OSBPL10: variants seen among roughly 807,000 people sequenced by gnomAD.
The protein encoded by OSBPL10 is oxysterol binding protein like 10.
OSBPL10 carries 49 observed loss-of-function variants against 81.7 expected under a neutral mutation model. The ratio of observed to expected loss-of-function variants is 0.60; its 90% confidence interval spans 0.48 to 0.76. The LOEUF is 0.76. Ranked by LOEUF, OSBPL10 falls within the 30% of genes least tolerant of loss-of-function variation. The pLI, the probability that OSBPL10 is intolerant of heterozygous loss-of-function variation, is 0.00. For synonymous variants in OSBPL10, 419 were observed against 383.6 expected, an observed-to-expected ratio of 1.09 and a Z score of -1.08; for missense variants, 923 against 987.8, an observed-to-expected ratio of 0.93 and a Z score of 0.88.
intron 3 of OSBPL10, among the ~76,000 whole-genome samples, chr3:31,875,082 T>TAAAAAAAAAA (rs555527834): frequency 9.7e-6 from 1 of 103,060 alleles, no homozygotes; most frequent in Non-Finnish European, 2.0e-5. Context: ...ATATATTAAG[T>TAAAAAAAAAA]AAAAAAAAAA....
At chr3:31,824,547 TAC>T (rs1700056459) in intron 4 of OSBPL10, among the ~76,000 whole-genome samples, 1 of 152,162 alleles carries the variant, frequency 6.6e-6, no homozygotes, top group African/African-American at 2.4e-5. Context: ...GTTTGATATG[TAC>T]AGTTTGATAT....
At chr3:32,051,912 C>A (rs916287522) in intron 1 of OSBPL10, among the ~76,000 whole-genome samples, 3 of 152,058 alleles carry the variant, frequency 2.0e-5, no homozygotes, top group Non-Finnish European at 4.4e-5. Context: ...CTTTTTAGTT[C>A]ACATGACTTT....
At chr3:32,068,088 CTCTCT>C (rs1366920117) in intron 1 of OSBPL10, among the ~76,000 whole-genome samples, 1 of 152,292 alleles carries the variant, frequency 6.6e-6, no homozygotes, top group East Asian at 1.9e-4. Flanking sequence ...GGTCTTTTCA[CTCTCT>C]TCTCCAGCCT....
intron 4 of OSBPL10, among the ~76,000 whole-genome samples, chr3:31,813,314 G>A (rs1489988154): frequency 6.6e-6 from 1 of 152,158 alleles, no homozygotes; most frequent in Non-Finnish European, 1.5e-5. Context: ...CAAATGGCTT[G>A]CCCAAGGGTC....
At chr3:31,908,720 G>A (rs1372871839) in intron 1 of OSBPL10, among the ~76,000 whole-genome samples, 2 of 152,074 alleles carry the variant, frequency 1.3e-5, no homozygotes, top group Non-Finnish European at 2.9e-5. Flanking sequence ...GGGTTGTGTC[G>A]GCCAATTCCC....
At chr3:31,984,167 G>C (rs921327754), upstream of OSBPL10, among the ~76,000 whole-genome samples, 5 of 152,104 alleles carry the variant, frequency 3.3e-5, no homozygotes, top group Non-Finnish European at 5.9e-5. Context: ...AGCTTCCCCA[G>C]TAGCTGGGAC....
intron 2 of OSBPL10, among the ~76,000 whole-genome samples, chr3:32,016,785 A>G (rs537994815): frequency 6.6e-6 from 1 of 152,266 alleles, no homozygotes; most frequent in Non-Finnish European, 1.5e-5. Context: ...GGAATGCCAG[A>G]GAGTTTGGAG....
intron 2 of OSBPL10, among the ~76,000 whole-genome samples, chr3:32,017,064 C>A (rs1465741103): frequency 6.6e-6 from 1 of 152,084 alleles, no homozygotes; most frequent in Admixed American, 6.6e-5. Context: ...CAAAGTTTTG[C>A]CCTTTAAGAG....
intron 3 of OSBPL10, among the ~76,000 whole-genome samples, chr3:31,831,661 G>A (rs543740270): frequency 3.9e-5 from 6 of 152,194 alleles, no homozygotes; most frequent in Non-Finnish European, 7.3e-5. Context: ...GTACTCAGAA[G>A]ATAAATGTAA....
At chr3:31,707,198 TTTC>T in intron 6 of OSBPL10, 1 of 152,198 alleles carries the variant, frequency 6.6e-6, no homozygotes, top group East Asian at 1.9e-4. Context: ...ACAGGGAGCT[TTTC>T]TGTGCCAAAC....
chr3:32,054,909 A>G (rs1363644363), intron 1 of OSBPL10, among the ~76,000 whole-genome samples: 1 of 152,136 alleles, frequency 6.6e-6, no homozygotes, highest in African/African-American at 2.4e-5. Flanking sequence ...TTGATCCTCT[A>G]CATAAGGTGG....
At chr3:31,857,450 A>T (rs1354393410) in intron 3 of OSBPL10, among the ~76,000 whole-genome samples, 1 of 152,072 alleles carries the variant, frequency 6.6e-6, no homozygotes, top group Non-Finnish European at 1.5e-5. Context: ...TATAATGAGA[A>T]GCAGGTTCAT....
At chr3:32,016,529 G>A (rs1699314133) in intron 2 of OSBPL10, among the ~76,000 whole-genome samples, 1 of 152,088 alleles carries the variant, frequency 6.6e-6, no homozygotes, top group South Asian at 2.1e-4. Flanking sequence ...ACACCAACAT[G>A]GCACGTGTAT....
At chr3:32,000,352 T>A (rs543793834) in intron 2 of OSBPL10, among the ~76,000 whole-genome samples, 6 of 152,240 alleles carry the variant, frequency 3.9e-5, no homozygotes, top group Non-Finnish European at 8.8e-5. Flanking sequence ...TTCCAAATAG[T>A]GTTTAGGATC....
intron 4 of OSBPL10, among the ~76,000 whole-genome samples, chr3:31,780,128 TA>T (rs1384037584): frequency 1.3e-5 from 2 of 151,944 alleles, no homozygotes; most frequent in Non-Finnish European, 2.9e-5. Flanking sequence ...CCTTCTCTAC[TA>T]AAAATACAAA....
intron 3 of OSBPL10, among the ~76,000 whole-genome samples, chr3:31,871,611 C>T (rs2125621489): frequency 6.6e-6 from 1 of 152,344 alleles, no homozygotes; most frequent in Non-Finnish European, 1.5e-5. Flanking sequence ...TGGCTCATGC[C>T]TATAATCCCA....
At chr3:32,037,686 A>G in intron 2 of OSBPL10, 1 of 174,118 alleles carries the variant, frequency 5.7e-6, no homozygotes, top group South Asian at 1.3e-4. Context: ...ATAAAAGAGA[A>G]TCCACTAGGC....
intron 1 of OSBPL10, among the ~76,000 whole-genome samples, chr3:31,980,308 T>G (rs1318877948): frequency 2.0e-5 from 3 of 152,224 alleles, no homozygotes; most frequent in Admixed American, 6.5e-5. Flanking sequence ...GGCCTCTTTC[T>G]GTTTTTAAAC....
At chr3:31,699,138 C>T (rs1278117636) in intron 7 of OSBPL10, among the ~76,000 whole-genome samples, 2 of 152,186 alleles carry the variant, frequency 1.3e-5, no homozygotes, top group Non-Finnish European at 2.9e-5. Flanking sequence ...CTCAATATTG[C>T]ATTTTGTGGG....
Sources: gnomAD v4.1 joint callset for allele counts (sites outside exome capture counted in the v4.1 genomes callset) on GRCh38, gnomAD v4.1.1 for gene constraint, MANE v1.5 for transcripts, NCBI Gene and HGNC (gene_info 2026-07-23, HGNC 2026-07-21) for gene names.